Variants in ZNF624 observed in about 807,000 individuals in gnomAD.
ZNF624 encodes the protein zinc finger protein 624.
ZNF624 carries 43 observed loss-of-function variants against 74.7 expected under a neutral mutation model. The ratio of observed to expected loss-of-function variants is 0.58; its 90% CI spans 0.45 to 0.74. ZNF624 has a LOEUF of 0.74. Ranked by LOEUF, ZNF624 falls within the 30% of genes least tolerant of loss-of-function variation. ZNF624 has a pLI of 0.00. For synonymous variants in ZNF624, 331 were observed against 341.3 expected, an observed-to-expected ratio of 0.97 and a Z score of 0.33; for missense variants, 820 against 1,030.0, an observed-to-expected ratio of 0.80 and a Z score of 2.79.
chr17:16,623,396 T>C lies in ZNF624; in HGVS notation c.1490A>G (p.Glu497Gly), dbSNP rs1569040566. ...ACATTCATTACATTCATAGGGTTTTTCCCCAGTGTGAGTTCTTATATGTAC... is the reference window on the plus strand; with the variant it reads ...ACATTCATTACATTCATAGGGTTTTCCCCCAGTGTGAGTTCTTATATGTAC... ...LIVHIRTHTG[E>G]KPYECNECGK... The change falls in exon 6 of 6, where the codon GAA (glutamate) becomes GGA (glycine). Residue 497 changes from glutamate to glycine, a missense_variant. Transcript: ENST00000311331. The surrounding 1 kb of genome is among the most constrained non-coding windows in gnomAD (Gnocchi z 5.3). 3 of 1,614,048 alleles carry C rather than the reference T, an allele frequency of 1.9e-6. No homozygotes were observed. Among genetic ancestry groups the C allele is most frequent in the Non-Finnish European group, 2.5e-6 (3 of 1,179,948 alleles).
intron 3 of ZNF624, among the ~76,000 whole-genome samples, chr17:16,635,370 G>A (rs925838063): frequency 1.5e-4 from 23 of 152,010 alleles, no homozygotes; most frequent in African/African-American, 4.8e-4. Context: ...GTTACCTATC[G>A]GAGAAAAGAG....
At chr17:16,616,733 C>T (rs1349041156), downstream of ZNF624, 5 of 598,560 alleles carry the variant, frequency 8.4e-6, no homozygotes, top group Non-Finnish European at 1.3e-5. Flanking sequence ...TTTCTGTGTG[C>T]CCCTGTTTTC....
At chr17:16,648,174 G>A (rs28458353) in intron 2 of ZNF624, among the ~76,000 whole-genome samples, 18,343 of 151,690 alleles carry the variant, frequency 0.12, 1,287 homozygotes, top group East Asian at 0.36. Context: ...GAACTCCTGG[G>A]CTCAGATAAT....
At position 16,624,168 on chromosome 17, in the gene ZNF624, C is replaced by G; in HGVS notation, c.718G>C (p.Asp240His). The G allele has an allele frequency of 6.2e-7, 1 of 1,614,118 alleles. No individual in the cohort carries two copies. The highest frequency in any genetic ancestry group is 8.5e-7 in the Non-Finnish European group (1 of 1,180,032). Residue 240 changes from aspartate to histidine, a missense_variant, in exon 6 of 6, where the codon GAT becomes CAT. Coordinates refer to ENST00000311331, the MANE Select transcript of ZNF624 (RefSeq NM_020787.4). ...NFTENLNLIT[D>H]THLGKIICKE... is the part of the protein sequence containing the mutation. ...CAAATTATCTTCCCCAAATGGGTAT[C>G]TGTAATCAAATTTAAATTCTCTGTG...
At chr17:16,616,438 G>A (rs1406515846), downstream of ZNF624, among the ~76,000 whole-genome samples, 1 of 152,054 alleles carries the variant, frequency 6.6e-6, no homozygotes, top group African/African-American at 2.4e-5. Context: ...ATTGAAAATT[G>A]GGTTCTCCCT....
At chr17:16,651,097 A>G (rs539475570) in intron 1 of ZNF624, among the ~76,000 whole-genome samples, 1 of 152,308 alleles carries the variant, frequency 6.6e-6, no homozygotes, top group African/African-American at 2.4e-5. Context: ...GTATTAACTC[A>G]AGGAGGAGAC....
At chr17:16,618,087 G>A (rs1908829658), downstream of ZNF624, among the ~76,000 whole-genome samples, 1 of 152,168 alleles carries the variant, frequency 6.6e-6, no homozygotes, top group Non-Finnish European at 1.5e-5. Flanking sequence ...TTTGAGGTTA[G>A]TTCCTCAGGA....
At chr17:16,631,422 A>C (rs1327645134) in intron 5 of ZNF624, 1 of 152,202 alleles carries the variant, frequency 6.6e-6, no homozygotes, top group African/African-American at 2.4e-5. Context: ...TAAAAACAGT[A>C]ATGTTTTTAA....
At chr17:16,639,347 CTTGT>C (rs1181018956) in intron 3 of ZNF624, among the ~76,000 whole-genome samples, 4 of 152,082 alleles carry the variant, frequency 2.6e-5, no homozygotes. Flanking sequence ...GTTTTTGAAG[CTTGT>C]TTTAGATAAT....
At chr17:16,649,897 C>T (rs948630621) in intron 1 of ZNF624, among the ~76,000 whole-genome samples, 151 bp from the exon 2 acceptor site, 1 of 152,140 alleles carries the variant, frequency 6.6e-6, no homozygotes, top group Non-Finnish European at 1.5e-5. Context: ...ACCCTTGCTC[C>T]GGCAGAGCTC....
chr17:16,636,258 A>C (rs2142614246), intron 3 of ZNF624, among the ~76,000 whole-genome samples: 1 of 152,390 alleles, frequency 6.6e-6, no homozygotes, highest in East Asian at 1.9e-4. Flanking sequence ...AAGAGAAAGA[A>C]TCAAACTTTT....
At chr17:16,653,722 G>A (rs1437158677) in intron 1 of ZNF624, 42 bp downstream of exon 1, 3 of 152,940 alleles carry the variant, frequency 2.0e-5, no homozygotes, top group African/African-American at 7.2e-5. Context: ...CCAAGGGAGG[G>A]GCGGCGGGCA....
chr17:16,637,222 G>C (rs1437774145), intron 3 of ZNF624, among the ~76,000 whole-genome samples: 1 of 151,800 alleles, frequency 6.6e-6, no homozygotes, highest in East Asian at 1.9e-4. Flanking sequence ...AAATAAAAGA[G>C]ATACAAATGG....
chr17:16,640,892 C>A (rs1039858640), intron 3 of ZNF624, among the ~76,000 whole-genome samples: 2 of 152,140 alleles, frequency 1.3e-5, no homozygotes, highest in Admixed American at 6.5e-5. Context: ...TAGACAAAGA[C>A]CTCAGAAGAA....
At chr17:16,634,572 T>C in intron 4 of ZNF624, 58 bp downstream of exon 4, 1 of 1,565,742 alleles carries the variant, frequency 6.4e-7, no homozygotes, top group Non-Finnish European at 8.6e-7. Context: ...GCCCTTTATC[T>C]TTGGCAAACC....
chr17:16,634,089 A>G (rs900060361), intron 4 of ZNF624, 132 bp from the exon 5 acceptor site: 2 of 565,418 alleles, frequency 3.5e-6, no homozygotes, highest in Non-Finnish European at 6.1e-6. Context: ...TGTCTGATAC[A>G]GTTGCCAATT....
At chr17:16,615,615 C>G in the ZNF624 span, among the ~76,000 whole-genome samples, 27 of 152,160 alleles carry the variant, frequency 1.8e-4, no homozygotes, top group East Asian at 5.0e-3. Context: ...TGATGAAATT[C>G]AACACCCATC....
At chr17:16,631,336 C>T (rs888051236) in intron 5 of ZNF624, 3 of 151,932 alleles carry the variant, frequency 2.0e-5, no homozygotes, top group African/African-American at 4.8e-5. Context: ...AAAAGATCCA[C>T]AAATTAAGCT....
chr17:16,642,010 A>G (rs1244672478), intron 3 of ZNF624, among the ~76,000 whole-genome samples: 2 of 152,372 alleles, frequency 1.3e-5, no homozygotes, highest in Non-Finnish European at 2.9e-5. Context: ...TAAAGAATAC[A>G]TAAATAAATG....
Sources: allele counts gnomAD v4.1 joint callset (sites outside exome capture counted in the v4.1 genomes callset), GRCh38; gene constraint gnomAD v4.1.1; non-coding constraint Gnocchi (gnomAD v3.1); transcripts MANE v1.5; gene names NCBI Gene and HGNC (gene_info 2026-07-23, HGNC 2026-07-21).